The following NLGN1 variants were observed in gnomAD, a reference collection of about 807,000 sequenced individuals.
NLGN1 encodes neuroligin 1.
A neutral mutation model predicts 65.5 loss-of-function variants in NLGN1; 12 were observed. The ratio of observed to expected loss-of-function variants is 0.18; its 90% CI spans 0.12 to 0.30. The LOEUF is 0.30. NLGN1 is among the 10% of genes least tolerant of loss of function. The probability of loss-of-function intolerance (pLI) is 1.00; values close to 1 mark genes in which losing one functional copy is unlikely to be tolerated. For synonymous variants in NLGN1, 350 were observed against 359.5 expected (o/e 0.97, Z 0.30); for missense variants, 750 against 1,007.1 (o/e 0.74, Z 3.46).
intron 4 of NLGN1, among the ~76,000 whole-genome samples, chr3:173,838,812 T>G (rs1724182136): frequency 6.6e-6 from 1 of 152,046 alleles, no homozygotes; most frequent in South Asian, 2.1e-4. Flanking sequence ...ACTCATAGAG[T>G]GAAATTGTCT....
intron 3 of NLGN1, among the ~76,000 whole-genome samples, chr3:173,631,898 G>A (rs1168171048): frequency 2.1e-5 from 3 of 143,910 alleles, no homozygotes; most frequent in African/African-American, 8.2e-5. Flanking sequence ...AATTTAAAAT[G>A]TTCTTTTTTT....
chr3:173,707,924 T>C (rs1386074529), intron 3 of NLGN1, among the ~76,000 whole-genome samples: 5 of 152,224 alleles, frequency 3.3e-5, no homozygotes, highest in Non-Finnish European at 7.3e-5. Flanking sequence ...GCCCTTGCAA[T>C]TAAATTTTGT....
intron 4 of NLGN1, among the ~76,000 whole-genome samples, chr3:174,259,433 G>GC (rs1328481690): frequency 6.6e-6 from 1 of 150,528 alleles, no homozygotes; most frequent in Non-Finnish European, 1.5e-5. Flanking sequence ...GGAGGAGATG[G>GC]CTTTTTTTTT....
At chr3:173,690,574 A>G (rs1765319415) in intron 3 of NLGN1, among the ~76,000 whole-genome samples, 1 of 152,298 alleles carries the variant, frequency 6.6e-6, no homozygotes, top group Middle Eastern at 3.4e-3. Context: ...TTATCAGTAA[A>G]TATTTGGTGA....
At chr3:173,527,225 A>T (rs1375093315) in intron 2 of NLGN1, among the ~76,000 whole-genome samples, 1 of 152,050 alleles carries the variant, frequency 6.6e-6, no homozygotes, top group African/African-American at 2.4e-5. Context: ...AGCATTTGTA[A>T]TTGCCTGATT....
intron 2 of NLGN1, among the ~76,000 whole-genome samples, chr3:173,592,424 T>C (rs1029660807): frequency 3.3e-5 from 5 of 152,234 alleles, no homozygotes; most frequent in Middle Eastern, 3.2e-3. Context: ...TATTATGGCA[T>C]CTTAGAATCT....
At chr3:174,087,246 A>C (rs1322067596) in intron 4 of NLGN1, among the ~76,000 whole-genome samples, 1 of 152,158 alleles carries the variant, frequency 6.6e-6, no homozygotes. Flanking sequence ...TCCATATAAC[A>C]AACCTGCACA....
At chr3:174,251,143 T>C (rs1401241395) in intron 4 of NLGN1, among the ~76,000 whole-genome samples, 1 of 152,238 alleles carries the variant, frequency 6.6e-6, no homozygotes, top group Non-Finnish European at 1.5e-5. Context: ...GCTATATTTA[T>C]AACTGTAAAA....
chr3:173,758,307 A>G (rs534583279), intron 3 of NLGN1, among the ~76,000 whole-genome samples: 7 of 152,124 alleles, frequency 4.6e-5, no homozygotes, highest in East Asian at 1.9e-4. Context: ...TACCAAGCCT[A>G]TGGTATTTTG....
At chr3:173,476,455 C>T (rs1396193187) in intron 2 of NLGN1, among the ~76,000 whole-genome samples, 2 of 152,054 alleles carry the variant, frequency 1.3e-5, no homozygotes, top group Non-Finnish European at 2.9e-5. Flanking sequence ...AAAATTGTGG[C>T]CTTTTTTGGT....
At chr3:173,449,168 T>G (rs1411199110) in intron 2 of NLGN1, among the ~76,000 whole-genome samples, 1 of 152,126 alleles carries the variant, frequency 6.6e-6, no homozygotes, top group Non-Finnish European at 1.5e-5. Flanking sequence ...GTGTCAATTT[T>G]AGATCTTTCC....
At chr3:174,056,314 T>G (rs1736061863) in intron 4 of NLGN1, among the ~76,000 whole-genome samples, 1 of 152,194 alleles carries the variant, frequency 6.6e-6, no homozygotes, top group African/African-American at 2.4e-5. Context: ...TCTTTCAGAT[T>G]ATCAAAGTGT....
chr3:173,587,103 A>G (rs151193805), intron 2 of NLGN1, among the ~76,000 whole-genome samples: 3 of 152,210 alleles, frequency 2.0e-5, no homozygotes, highest in Non-Finnish European at 2.9e-5. Flanking sequence ...ATTGATTTGC[A>G]TATTCCAAAA....
intron 4 of NLGN1, among the ~76,000 whole-genome samples, chr3:174,168,426 C>T (rs760670135): frequency 1.4e-4 from 21 of 151,806 alleles, no homozygotes; most frequent in Non-Finnish European, 2.9e-4. Flanking sequence ...ATTTTTCTTT[C>T]TCTTTCTATT....
At chr3:173,921,606 T>C (rs953168333) in intron 4 of NLGN1, among the ~76,000 whole-genome samples, 2 of 152,096 alleles carry the variant, frequency 1.3e-5, no homozygotes, top group African/African-American at 4.8e-5. Flanking sequence ...CCAACAAGAT[T>C]ATTTTACCCT....
chr3:173,452,014 G>A (rs1249816571), intron 2 of NLGN1, among the ~76,000 whole-genome samples: 3 of 152,176 alleles, frequency 2.0e-5, no homozygotes, highest in African/African-American at 4.8e-5. Context: ...TCCCGGGTGA[G>A]GCGATGCCTC....
At chr3:173,518,552 ATGTG>A (rs903577649) in intron 2 of NLGN1, among the ~76,000 whole-genome samples, 3 of 149,406 alleles carry the variant, frequency 2.0e-5, no homozygotes, top group African/African-American at 7.4e-5. Context: ...GTGTGCATGC[ATGTG>A]TGTGTGTGTG....
chr3:174,286,516 A>G (rs567669955), exon 7 of NLGN1: 2 of 151,648 alleles, frequency 1.3e-5, no homozygotes, highest in East Asian at 3.9e-4. Context: ...TAGCAAATTA[A>G]TGGGACATAT....
intron 2 of NLGN1, among the ~76,000 whole-genome samples, chr3:173,598,247 A>C (rs1749837811): frequency 6.6e-6 from 1 of 152,196 alleles, no homozygotes; most frequent in African/African-American, 2.4e-5. Context: ...ATTGGTGGTT[A>C]ACCAACTGCA....
Sources: allele counts gnomAD v4.1 joint callset (sites outside exome capture counted in the v4.1 genomes callset), GRCh38; gene constraint gnomAD v4.1.1; transcripts MANE v1.5; gene names NCBI Gene and HGNC (gene_info 2026-07-23, HGNC 2026-07-21).